The following DNAJB2 variants were observed in gnomAD, a reference collection of about 807,000 sequenced individuals.
The protein encoded by DNAJB2 is dnaJ homolog subfamily B member 2.
Under a neutral mutation model 33.3 loss-of-function variants are expected in DNAJB2, and 19 were observed. The observed-to-expected ratio is 0.57, with a 90% confidence interval of 0.40 to 0.84. The LOEUF is 0.84. Among genes scored for constraint, DNAJB2 ranks in the 40% least tolerant of loss-of-function variants. The probability of loss-of-function intolerance (pLI) is 0.00; values close to 1 mark genes in which losing one functional copy is unlikely to be tolerated. For missense variants in DNAJB2, 368 were observed against 430.9 expected, an observed-to-expected ratio of 0.85 and a Z score of 1.29; for synonymous variants, 172 against 164.6, an observed-to-expected ratio of 1.04 and a Z score of -0.34.
chr2:219,285,681 G>T lies in DNAJB2; in HGVS notation c.*694G>T. 8.4e-7 allele frequency: 1 copy of T among 1,195,586 alleles called. No homozygotes were observed. The allele number at this position is 1,195,586 out of a possible 1,614,324, so 74.1% of individuals were successfully genotyped here. ...TCTTCTGGGGAGGCTAGCCGGGTGG[G>T]GCGGGAGCCTCTCAGCTGTCCAGAT... is the stretch of plus-strand genomic sequence containing the variant. On this transcript the variant is annotated 3_prime_UTR_variant, in exon 9 of 9. Transcript: ENST00000336576.
intron 5 of DNAJB2, chr2:219,282,347 G>A: frequency 2.1e-6 from 1 of 486,924 alleles, no homozygotes; most frequent in Non-Finnish European, 3.7e-6. Context: ...AAAGCATCTT[G>A]TGACAATATT....
rs974906357 is a variant in DNAJB2 at position 219,279,470 on chromosome 2, G to T, written c.-85G>T. 1 of 209,328 alleles carries T rather than the reference G, an allele frequency of 4.8e-6. No individual in the cohort carries two copies. The highest frequency in any genetic ancestry group is 9.6e-6 in the Non-Finnish European group (1 of 104,126). The allele number at this position is 209,328 out of a possible 1,614,324, so 13.0% of individuals were successfully genotyped here. On this transcript the variant is annotated 5_prime_UTR_variant, in exon 1 of 9. Transcript: ENST00000336576. This position sits in a 1 kb window ranked among gnomAD's most constrained non-coding sequence, Gnocchi z 4.9. ...TGCGGGTGCCAGACGGTTCCCGGCG[G>T]GGGGCAGGGGCGGGGCGCCGCAGGA... is the stretch of plus-strand genomic sequence containing the variant.
intron 8 of DNAJB2, 85 bp from the exon 9 acceptor site, chr2:219,284,547 G>A: frequency 6.8e-7 from 1 of 1,481,308 alleles, no homozygotes; most frequent in Non-Finnish European, 9.0e-7. Context: ...GACTCTAAGT[G>A]GTCAGGGTTG....
rs761047164 is a variant in DNAJB2, at chr2:219,286,086, C to T, written c.*1099C>T. 3.6e-4 allele frequency: 566 copies of T among 1,558,538 alleles called. 1 individual carries two copies. Among genetic ancestry groups the T allele is most frequent in the Non-Finnish European group, 4.7e-4 (538 of 1,145,686 alleles). ...TGGGAGGGGACCCTCCATTTCTCCC[C>T]CTCACCCATGCTGAGTGTAGAGCCG... is the stretch of plus-strand genomic sequence containing the variant. On this transcript the variant is annotated 3_prime_UTR_variant, in exon 9 of 9. Transcript: ENST00000336576.
intron 3 of DNAJB2, 152 bp from the exon 4 acceptor site, chr2:219,281,566 C>T (rs1951904134): frequency 1.1e-6 from 1 of 948,080 alleles, no homozygotes. Flanking sequence ...GCTGCCTAAA[C>T]CTATAGCCCG....
At chr2:219,282,526 G>A in intron 5 of DNAJB2, 1 of 383,846 alleles carries the variant, frequency 2.6e-6, no homozygotes, top group East Asian at 5.0e-5. Flanking sequence ...CATAACACAT[G>A]GCAGAGCTGG....
At position 219,285,307 on chromosome 2, in the gene DNAJB2, A is replaced by G. The variant is rs752072988; in HGVS notation, c.*320A>G. 100 of 1,070,148 alleles carry G rather than the reference A, an allele frequency of 9.3e-5. No individual in the cohort carries two copies. The highest frequency in any genetic ancestry group is 1.1e-4 in the Non-Finnish European group (98 of 884,822). 66.3% of individuals were successfully genotyped at this position (1,070,148 alleles called of 1,614,324 possible). A position where few individuals can be genotyped will look rare whatever the true frequency, so the allele number is the denominator to read the frequency against. On this transcript the variant is annotated 3_prime_UTR_variant, in exon 9 of 9. Transcript: ENST00000336576. ...TGGGCTGGGCCTTTTGTGCCCTGGT[A>G]CTCTGCCACCTGTGTTGCTGATGGT...
chr2:219,282,181 A>AT (rs1156885083), intron 5 of DNAJB2, 120 bp downstream of exon 5: 2 of 1,559,226 alleles, frequency 1.3e-6, no homozygotes, highest in Admixed American at 3.5e-5. Context: ...CGGACAGAAG[A>AT]TTTTGTGGAG....
At chr2:219,282,707 C>T in intron 5 of DNAJB2, 130 bp from the exon 6 acceptor site, 1 of 757,038 alleles carries the variant, frequency 1.3e-6, no homozygotes, top group African/African-American at 1.8e-5. Context: ...TATAAATAAG[C>T]CCAACTAAAA....
Position 219,281,766 on chromosome 2 carries a change from G to A in DNAJB2, c.224G>A (p.Gly75Glu). 1 of 1,614,068 alleles carries A rather than the reference G, an allele frequency of 6.2e-7. No homozygotes were observed. The highest frequency in any genetic ancestry group is 8.5e-7 in the Non-Finnish European group (1 of 1,180,018). ...YDRYGREGLT[G>E]TGTGPSRAEA... is the part of the protein sequence containing the mutation. ...CGCTATGGCCGGGAAGGGCTGACAG[G>A]GACAGGTAGGTGGAGTGGTGAGGCC... The change falls in exon 4 of 9, where the codon GGG (glycine) becomes GAG (glutamate). Residue 75 changes from glycine (G) to glutamate (E), a missense_variant. Gly to Glu is a moderately conservative substitution (Grantham distance 98, BLOSUM62 -2). Coordinates refer to ENST00000336576, the MANE Select transcript of DNAJB2 (RefSeq NM_006736.6).
Position 219,282,060 on chromosome 2 carries a change from T to C in DNAJB2, c.351T>C (p.Phe117=). Residue 117 remains phenylalanine (F), a splice_region_variant and synonymous_variant, in exon 5 of 9, where the codon TTT becomes TTC. Coordinates refer to ENST00000336576, the MANE Select transcript of DNAJB2 (RefSeq NM_006736.6). ...GTGGAGACCCTTTTGCAGAGCTCTT[T>C]GGTGAGTGGACTCTGGAAGCCTCTG... The part of the protein sequence containing the change: ...FGSGDPFAEL[F]DDLGPFSELQ... 5 of 1,614,098 alleles carry C rather than the reference T, an allele frequency of 3.1e-6. No homozygotes were observed. Among genetic ancestry groups the C allele is most frequent in the Non-Finnish European group, 4.2e-6 (5 of 1,180,016 alleles).
chr2:219,279,811 C>A lies in DNAJB2; in HGVS notation c.-23C>A, dbSNP rs370901455. On this transcript the variant is annotated 5_prime_UTR_variant, in exon 2 of 9. Coordinates refer to ENST00000336576, the MANE Select transcript of DNAJB2 (RefSeq NM_006736.6). The surrounding 1 kb of genome is among the most constrained non-coding windows in gnomAD (Gnocchi z 4.9). ...TCTCTTCTGCAGCCCCAAGGAGGCCCGCCTGACGACTGACCAGTTGCCATG... is the reference window on the plus strand; with the variant it reads ...TCTCTTCTGCAGCCCCAAGGAGGCCAGCCTGACGACTGACCAGTTGCCATG... The A allele has an allele frequency of 2.5e-6, 4 of 1,613,384 alleles. No homozygotes were observed. The highest frequency in any genetic ancestry group is 3.4e-6 in the Non-Finnish European group (4 of 1,179,776).
chr2:219,281,355 T>G, intron 3 of DNAJB2: 1 of 234,642 alleles, frequency 4.3e-6, no homozygotes, highest in Non-Finnish European at 8.4e-6. Flanking sequence ...TCCGAGAAGG[T>G]GACATTTAGG....
In DNAJB2 at chr2:219,282,822, G is replaced by A; in HGVS notation, c.353-15G>A. 2 of 1,560,718 alleles carry A rather than the reference G, an allele frequency of 1.3e-6. No individual in the cohort carries two copies. The highest frequency in any genetic ancestry group is 1.2e-5 in the South Asian group (1 of 81,160). ...GTCATTACCAGATGACTGCTAATCT[G>A]TTTACTTGTTGCAGATGACCTGGGC... On this transcript the variant is annotated splice_polypyrimidine_tract_variant and intron_variant, in intron 5 of 8. Coordinates refer to ENST00000336576, the MANE Select transcript of DNAJB2 (RefSeq NM_006736.6).
rs1224760351 is a variant in DNAJB2 at position 219,279,549 on chromosome 2, G to A, written c.-37+31G>A. ...GCCGGGGGCCCGGGTCAGGCTGGGG[G>A]CCCTGGATCGGACTGCTGGAGTTGG... On this transcript the variant is annotated intron_variant, in intron 1 of 8. Coordinates refer to ENST00000336576, the MANE Select transcript of DNAJB2 (RefSeq NM_006736.6). The surrounding 1 kb of genome is among the most constrained non-coding windows in gnomAD (Gnocchi z 4.9). 1.5e-5 allele frequency: 6 copies of A among 397,550 alleles called. No homozygotes were observed. Among genetic ancestry groups the A allele is most frequent in the Non-Finnish European group, 1.8e-5 (4 of 217,574 alleles). The allele number at this position is 397,550 out of a possible 1,614,324, so 24.6% of individuals were successfully genotyped here.
chr2:219,281,426 T>A lies in DNAJB2; in HGVS notation c.176-292T>A, dbSNP rs72955480. On this transcript the variant is annotated intron_variant, in intron 3 of 8. Transcript: ENST00000336576. ...GCTAACATTTATTGAACACTTTCTA[T>A]GTGTCAGGCACTGGTAGGCAGTTTA... is the stretch of plus-strand genomic sequence containing the variant. 0.016 allele frequency: 7,069 copies of A among 432,286 alleles called. 105 individuals are homozygous for A. Among genetic ancestry groups the A allele is most frequent in the Non-Finnish European group, 0.024 (5,676 of 241,070 alleles). The allele number at this position is 432,286 out of a possible 1,614,324, so 26.8% of individuals were successfully genotyped here. A position where few individuals can be genotyped will look rare whatever the true frequency, so the allele number is the denominator to read the frequency against.
In DNAJB2 at chr2:219,284,900, G is replaced by C. The variant is rs186320309; in HGVS notation, c.888G>C (p.Leu296Phe). 6.2e-5 allele frequency: 100 copies of C among 1,602,420 alleles called. No homozygotes were observed. The highest frequency in any genetic ancestry group is 1.7e-4 in the African/African-American group (13 of 74,754). Residue 296 changes from leucine to phenylalanine, a missense_variant, in exon 9 of 9, where the codon TTG becomes TTC. Physicochemically the swap from Leu to Phe is conservative, Grantham distance 22. Coordinates refer to ENST00000336576, the MANE Select transcript of DNAJB2 (RefSeq NM_006736.6). The part of the protein sequence containing the change: ...RPKAQHQDPG[L>F]GGTQEGARGE... ...AGGCCCAGCACCAAGATCCAGGCTTGGGGGGGACCCAGGAGGGTGCGAGGG... is the reference window on the plus strand; with the variant it reads ...AGGCCCAGCACCAAGATCCAGGCTTCGGGGGGACCCAGGAGGGTGCGAGGG...
chr2:219,284,734 C>T lies in DNAJB2; in HGVS notation c.722C>T (p.Ala241Val), dbSNP rs1478571107. The change falls in exon 9 of 9, where the codon GCC becomes GTC. Residue 241 changes from alanine to valine, a missense_variant. Physicochemically the swap from Ala to Val is moderately conservative, Grantham distance 64. Coordinates refer to ENST00000336576, the MANE Select transcript of DNAJB2 (RefSeq NM_006736.6). ...SGGTQVQQTP[A>V]SCPLDSDLSE... ...GGCACTCAGGTCCAGCAGACCCCTG[C>T]CTCATGCCCCTTGGACAGCGACCTC... 1.2e-6 allele frequency: 2 copies of T among 1,613,438 alleles called. No individual in the cohort carries two copies. The highest frequency in any genetic ancestry group is 2.2e-5 in the East Asian group (1 of 44,900).
At position 219,279,913 on chromosome 2, in the gene DNAJB2, A is replaced by G; in HGVS notation, c.65+15A>G. 1 of 1,613,644 alleles carries G rather than the reference A, an allele frequency of 6.2e-7. No homozygotes were observed. Among genetic ancestry groups the G allele is most frequent in the Non-Finnish European group, 8.5e-7 (1 of 1,179,912 alleles). On this transcript the variant is annotated intron_variant, in intron 2 of 8. Transcript: ENST00000336576. This position sits in a 1 kb window ranked among gnomAD's most constrained non-coding sequence, Gnocchi z 4.9. ...ATCAAGAAGGCGTAAGTGCCTCCGT[A>G]TGCAACAGAAGACCTCTCACCCTCC...
Sources: gnomAD v4.1 joint callset for allele counts on GRCh38, gnomAD v4.1.1 for gene constraint, Gnocchi (gnomAD v3.1) non-coding constraint, MANE v1.5 for transcripts, NCBI Gene and HGNC (gene_info 2026-07-23, HGNC 2026-07-21) for gene names.